KCNMA1: variants seen among roughly 807,000 people sequenced by gnomAD.
KCNMA1 encodes the protein Calcium-activated potassium channel subunit alpha-1.
Under a neutral mutation model 140.0 loss-of-function variants are expected in KCNMA1, and 29 were observed. The ratio of observed to expected loss-of-function variants is 0.21; its 90% confidence interval spans 0.15 to 0.28. The LOEUF (loss-of-function observed/expected upper bound fraction) is 0.28, where lower values mean the gene tolerates loss of function less well. Ranked by LOEUF, KCNMA1 falls within the 10% of genes least tolerant of loss-of-function variation. The pLI is 1.00. For missense variants in KCNMA1, 880 were observed against 1,602.2 expected, an observed-to-expected ratio of 0.55 and a Z score of 7.70; for synonymous variants, 612 against 611.9, an observed-to-expected ratio of 1.00 and a Z score of 0.00.
chr10:77,596,589 G>A (rs1015487906), intron 1 of KCNMA1, among the ~76,000 whole-genome samples: 6 of 152,284 alleles, frequency 3.9e-5, no homozygotes, highest in Admixed American at 6.5e-5. Flanking sequence ...ATTTACATGC[G>A]CACAAGAAGG....
chr10:76,887,658 A>G (rs1221187558), intron 27 of KCNMA1, 143 bp from the exon 28 acceptor site: 1 of 914,128 alleles, frequency 1.1e-6, no homozygotes, highest in African/African-American at 1.7e-5. Context: ...TGAGGCCTTA[A>G]ACATTCTTTT....
At chr10:77,497,909 T>C (rs903604620) in intron 1 of KCNMA1, among the ~76,000 whole-genome samples, 27 of 152,216 alleles carry the variant, frequency 1.8e-4, no homozygotes, top group African/African-American at 5.8e-4. Flanking sequence ...ATGCTGCCAC[T>C]GGCTTCATTT....
At chr10:77,524,234 T>C (rs976781410) in intron 1 of KCNMA1, among the ~76,000 whole-genome samples, 3 of 152,226 alleles carry the variant, frequency 2.0e-5, no homozygotes, top group Non-Finnish European at 4.4e-5. Flanking sequence ...AGAACACAGC[T>C]GTTACCACCT....
intron 14 of KCNMA1, among the ~76,000 whole-genome samples, chr10:77,069,966 C>T (rs910215912): frequency 4.6e-4 from 70 of 152,176 alleles, no homozygotes; most frequent in African/African-American, 1.7e-3. Flanking sequence ...CAGGCATGCG[C>T]CACCAGGCCC....
rs546191360 is a variant in KCNMA1, at chr10:77,419,021, T to C, written c.379-14998A>G. ...GTAACCTGAATGCCAAGTTTACTAA[T>C]GAATTGTGACTAGGCTGTTGTTAGT... is the stretch of plus-strand genomic sequence containing the variant. On this transcript the variant is annotated intron_variant, in intron 1 of 27. Coordinates refer to ENST00000286628, the MANE Select transcript of KCNMA1 (RefSeq NM_001161352.2). Among the ~76,000 whole-genome samples, 10 of 152,278 alleles carry C rather than the reference T, an allele frequency of 6.6e-5. No homozygotes were observed. In the South Asian group the frequency reaches 8.3e-4, roughly 13 times the overall value.
At chr10:77,059,461 TAAC>T (rs1192724000) in intron 14 of KCNMA1, among the ~76,000 whole-genome samples, 1 of 152,000 alleles carries the variant, frequency 6.6e-6, no homozygotes, top group East Asian at 1.9e-4. Context: ...ATAAAAATAT[TAAC>T]AAACCAAATC....
chr10:77,543,086 A>T (rs892468068), intron 1 of KCNMA1, among the ~76,000 whole-genome samples: 4 of 151,848 alleles, frequency 2.6e-5, no homozygotes, highest in African/African-American at 9.7e-5. Flanking sequence ...ACAGAAACAC[A>T]GGTTCCAGGG....
Position 77,158,824 on chromosome 10 carries a change from GAGGA to G in KCNMA1, c.808+24593_808+24596del, listed in dbSNP as rs1284866182. On this transcript the variant is annotated intron_variant, in intron 5 of 27. Coordinates refer to ENST00000286628, the MANE Select transcript of KCNMA1 (RefSeq NM_001161352.2). Reference sequence around the variant, plus strand: ...AGGTGATAGCTCTCTTTGAGGGAGGGAGGAAGGGAGGACTGTGTAGTTGTGGATA... The same window carrying G: ...AGGTGATAGCTCTCTTTGAGGGAGGGAGGGAGGACTGTGTAGTTGTGGATA... Among the ~76,000 whole-genome samples the G allele has an allele frequency of 2.6e-5, 4 of 152,234 alleles. No individual in the cohort carries two copies. The East Asian group carries it at 7.7e-4, about 29-fold the overall frequency.
chr10:77,146,367 G>A (rs920090272), intron 5 of KCNMA1, among the ~76,000 whole-genome samples: 1 of 152,110 alleles, frequency 6.6e-6, no homozygotes, highest in African/African-American at 2.4e-5. Context: ...GACCCTGGCT[G>A]CTTATATGAA....
intron 27 of KCNMA1, 36 bp downstream of exon 27, chr10:76,889,415 A>C (rs1306223925): frequency 7.5e-7 from 1 of 1,332,546 alleles, no homozygotes; most frequent in Admixed American, 1.7e-5. Flanking sequence ...TATTTCTGTG[A>C]TTAGGTGGGA....
At chr10:77,443,738 T>C (rs548007033) in intron 1 of KCNMA1, among the ~76,000 whole-genome samples, 123 of 152,328 alleles carry the variant, frequency 8.1e-4, no homozygotes, top group Middle Eastern at 3.4e-3. Context: ...AGGTTGCTTT[T>C]CAAATGGAAC....
intron 23 of KCNMA1, among the ~76,000 whole-genome samples, chr10:76,917,076 AT>A (rs746109648): frequency 2.0e-5 from 3 of 152,320 alleles, no homozygotes; most frequent in East Asian, 1.9e-4. Flanking sequence ...AAAAACACGC[AT>A]TTTTAAATGC....
intron 2 of KCNMA1, among the ~76,000 whole-genome samples, chr10:77,379,033 G>C (rs937742005): frequency 6.6e-6 from 1 of 152,124 alleles, no homozygotes; most frequent in African/African-American, 2.4e-5. Context: ...TAATTGTCTG[G>C]TTTCTAGAAG....
At chr10:77,257,145 T>C (rs2060949007) in intron 2 of KCNMA1, among the ~76,000 whole-genome samples, 1 of 152,138 alleles carries the variant, frequency 6.6e-6, no homozygotes, top group South Asian at 2.1e-4. Context: ...ATGTGAGAAC[T>C]CCCAAGGCAA....
intron 3 of KCNMA1, among the ~76,000 whole-genome samples, chr10:77,223,208 T>A (rs984475355): frequency 6.6e-6 from 1 of 151,020 alleles, no homozygotes; most frequent in African/African-American, 2.4e-5. Flanking sequence ...CAGCTCTGGG[T>A]GACAGAGCAA....
At chr10:77,074,782 G>A (rs1306297434) in intron 13 of KCNMA1, among the ~76,000 whole-genome samples, 1 of 152,186 alleles carries the variant, frequency 6.6e-6, no homozygotes, top group African/African-American at 2.4e-5. Flanking sequence ...AAGAACTTTT[G>A]CTCTGCACTA....
At chr10:77,588,287 G>A (rs902410525) in intron 1 of KCNMA1, among the ~76,000 whole-genome samples, 1 of 152,206 alleles carries the variant, frequency 6.6e-6, no homozygotes, top group Non-Finnish European at 1.5e-5. Flanking sequence ...AAGGTAGGAA[G>A]TTAGGAGGGA....
At chr10:77,097,076 T>A (rs2096952111) in intron 9 of KCNMA1, among the ~76,000 whole-genome samples, 1 of 152,148 alleles carries the variant, frequency 6.6e-6, no homozygotes. Flanking sequence ...GAACCCTTGG[T>A]GTCTGCATCA....
chr10:76,898,759 A>C (rs2152082876), intron 25 of KCNMA1, among the ~76,000 whole-genome samples: 1 of 151,996 alleles, frequency 6.6e-6, no homozygotes, highest in African/African-American at 2.4e-5. Flanking sequence ...TCATGTCTTG[A>C]GGCCAATGCT....
Sources: allele counts gnomAD v4.1 joint callset (sites outside exome capture counted in the v4.1 genomes callset), GRCh38; gene constraint gnomAD v4.1.1; transcripts MANE v1.5; gene names NCBI Gene and HGNC (gene_info 2026-07-23, HGNC 2026-07-21).